DYNC2I1: variants seen among roughly 807,000 people sequenced by gnomAD.
DYNC2I1 encodes dynein 2 intermediate chain 1.
A neutral mutation model predicts 133.4 loss-of-function variants in DYNC2I1; 89 were observed. That is an observed-to-expected ratio of 0.67 (90% CI 0.56 to 0.80). DYNC2I1 has a LOEUF of 0.80. DYNC2I1 is among the 30% of genes least tolerant of loss of function. The probability of loss-of-function intolerance (pLI) is 0.00; values close to 1 mark genes in which losing one functional copy is unlikely to be tolerated. For missense variants in DYNC2I1, 1,291 were observed against 1,314.5 expected (o/e 0.98, Z 0.28); for synonymous variants, 504 against 484.3 (o/e 1.04, Z -0.54).
chr7:158,935,227 G>A (rs1373750850), intron 23 of DYNC2I1, among the ~76,000 whole-genome samples: 1 of 152,244 alleles, frequency 6.6e-6, no homozygotes, highest in African/African-American at 2.4e-5. Flanking sequence ...TCATGCTGCA[G>A]GAAATGTGTG....
At chr7:158,918,630 G>A in intron 14 of DYNC2I1, 110 bp from the exon 15 acceptor site, 1 of 1,273,232 alleles carries the variant, frequency 7.9e-7, no homozygotes, top group East Asian at 2.3e-5. Flanking sequence ...TAGCGTCATG[G>A]ATCTAAGCAG....
In DYNC2I1 at chr7:158,871,316, G is replaced by C; in HGVS notation, c.244G>C (p.Gly82Arg). 1.3e-6 allele frequency: 2 copies of C among 1,565,120 alleles called. No individual in the cohort carries two copies. The highest frequency in any genetic ancestry group is 1.7e-6 in the Non-Finnish European group (2 of 1,154,188). The change falls in exon 3 of 25, where the codon GGG (glycine) becomes CGG (arginine). Residue 82 changes from glycine (G) to arginine (R), a missense_variant. Transcript: ENST00000407559. ...CCACACCGCTAAGGAGAGTCCTCGTGGGGAGAGGGACAGAGACAGACAGAG... is the reference window on the plus strand; with the variant it reads ...CCACACCGCTAAGGAGAGTCCTCGTCGGGAGAGGGACAGAGACAGACAGAG... ...EVHTAKESPR[G>R]ERDRDRQRER...
At chr7:158,864,118 T>TG (rs1842184730) in intron 1 of DYNC2I1, among the ~76,000 whole-genome samples, 1 of 79,782 alleles carries the variant, frequency 1.3e-5, no homozygotes, top group African/African-American at 4.8e-5. Flanking sequence ...TAGCTCCGGG[T>TG]GTGGGGGGGG....
intron 13 of DYNC2I1, among the ~76,000 whole-genome samples, chr7:158,913,590 A>G (rs894574725): frequency 2.0e-5 from 3 of 152,196 alleles, no homozygotes; most frequent in African/African-American, 7.2e-5. Flanking sequence ...GGTTTTTCTC[A>G]AGGAATTGCC....
At chr7:158,866,771 G>C (rs1179832260) in intron 1 of DYNC2I1, among the ~76,000 whole-genome samples, 2 of 151,956 alleles carry the variant, frequency 1.3e-5, no homozygotes, top group Non-Finnish European at 2.9e-5. Flanking sequence ...TGTAATCCCA[G>C]CTACTCAGGA....
intron 21 of DYNC2I1, among the ~76,000 whole-genome samples, chr7:158,933,816 G>A (rs1341589832): frequency 6.6e-6 from 1 of 152,232 alleles, no homozygotes; most frequent in Admixed American, 6.5e-5. Flanking sequence ...CTAAGAACTT[G>A]AGACAGTTGT....
chr7:158,862,124 G>A (rs1020399966), intron 1 of DYNC2I1, among the ~76,000 whole-genome samples: 6 of 152,136 alleles, frequency 3.9e-5, no homozygotes, highest in Admixed American at 2.0e-4. Flanking sequence ...CACTCTGGCC[G>A]TTAGTGCTCC....
At chr7:158,863,657 TG>T (rs1220542003) in intron 1 of DYNC2I1, among the ~76,000 whole-genome samples, 1 of 12,586 alleles carries the variant, frequency 7.9e-5, no homozygotes, top group African/African-American at 5.4e-4. Flanking sequence ...CGTCCTTAGC[TG>T]GGGGGGGGTG....
chr7:158,889,718 A>G (rs1845003175), intron 7 of DYNC2I1, among the ~76,000 whole-genome samples: 1 of 151,968 alleles, frequency 6.6e-6, no homozygotes, highest in Non-Finnish European at 1.5e-5. Flanking sequence ...AAAATTAACA[A>G]AAAGGCCAGG....
chr7:158,857,469 C>T (rs1841383692), intron 1 of DYNC2I1, among the ~76,000 whole-genome samples: 1 of 151,822 alleles, frequency 6.6e-6, no homozygotes, highest in Admixed American at 6.6e-5. Flanking sequence ...ATTTTTTCCC[C>T]ATCACTTACC....
chr7:158,952,568 A>AC (rs1682102398), intron 4 of DYNC2I1, among the ~76,000 whole-genome samples: 1 of 151,790 alleles, frequency 6.6e-6, no homozygotes, highest in Admixed American at 6.6e-5. Context: ...TAGATACTTA[A>AC]AAAAATATCC....
chr7:158,934,607 G>GAAAGACCCTGTC, intron 23 of DYNC2I1, 58 bp downstream of exon 23: 1 of 1,507,528 alleles, frequency 6.6e-7, no homozygotes, highest in Non-Finnish European at 8.9e-7. Context: ...TTGAGACAGG[G>GAAAGACCCTGTC]TCTTGCTCTG....
chr7:158,871,557 G>A lies in DYNC2I1; in HGVS notation c.485G>A (p.Arg162His), dbSNP rs541525679. 2 of 1,533,366 alleles carry A rather than the reference G, an allele frequency of 1.3e-6. No homozygotes were observed. The highest frequency in any genetic ancestry group is 1.2e-5 in the South Asian group (1 of 83,138). 95.0% of individuals were successfully genotyped at this position (1,533,366 alleles called of 1,614,324 possible). The change falls in exon 3 of 25, where the codon CGC becomes CAC. Residue 162 changes from arginine to histidine, a missense_variant. By Grantham distance (29) the Arg-to-His change is conservative. Coordinates refer to ENST00000407559, the MANE Select transcript of DYNC2I1 (RefSeq NM_018051.5). ...QLLERAERKG[R>H]SVSKVRSEEK... is the part of the protein sequence containing the mutation. ...CTGGAGCGGGCGGAGAGGAAAGGCC[G>A]CTCAGGTGGGTCCCCGCTTGCCTTC...
intron 11 of DYNC2I1, among the ~76,000 whole-genome samples, chr7:158,906,608 GCCA>G (rs1305878152): frequency 1.3e-5 from 2 of 151,930 alleles, no homozygotes; most frequent in Non-Finnish European, 2.9e-5. Flanking sequence ...ACAGGTGGCC[GCCA>G]CCACGCCTGG....
In DYNC2I1 at chr7:158,945,475, C is replaced by T; in HGVS notation, c.3003-106C>T. 8.1e-7 allele frequency: 1 copy of T among 1,236,502 alleles called. No individual in the cohort carries two copies. The highest frequency in any genetic ancestry group is 2.9e-5 in the Admixed American group (1 of 34,788). The allele number at this position is 1,236,502 out of a possible 1,614,324, so 76.6% of individuals were successfully genotyped here. A position where few individuals can be genotyped will look rare whatever the true frequency, so the allele number is the denominator to read the frequency against. On this transcript the variant is annotated intron_variant, in intron 24 of 24. Transcript: ENST00000407559. The surrounding 1 kb of genome is among the most constrained non-coding windows in gnomAD (Gnocchi z 4.1). Reference sequence around the variant, plus strand: ...GGCTATTGGTATTTTTAGAATTTCTCATCCGTTTCACTCTTCCCATGGAAG... The same window carrying T: ...GGCTATTGGTATTTTTAGAATTTCTTATCCGTTTCACTCTTCCCATGGAAG...
At position 158,899,341 on chromosome 7, in the gene DYNC2I1, TACAC is replaced by T. The variant is rs1206804180; in HGVS notation, c.1060-2391_1060-2388del. On this transcript the variant is annotated intron_variant, in intron 8 of 24. Coordinates refer to ENST00000407559, the MANE Select transcript of DYNC2I1 (RefSeq NM_018051.5). ...ATGCATATGTGTACACAAACACACA[TACAC>T]ACACACGGATAAATACCTAAGCATA... is the stretch of plus-strand genomic sequence containing the variant. Among the ~76,000 whole-genome samples the T allele has an allele frequency of 2.6e-5, 4 of 152,258 alleles. No individual in the cohort carries two copies. The East Asian group carries it at 5.8e-4, about 22-fold the overall frequency.
At chr7:158,885,245 C>G (rs1156257483) in intron 6 of DYNC2I1, among the ~76,000 whole-genome samples, 1 of 151,950 alleles carries the variant, frequency 6.6e-6, no homozygotes, top group Non-Finnish European at 1.5e-5. Context: ...TCCTGTCTAC[C>G]TCTTAGTTGC....
chr7:158,893,680 A>G (rs1012111872), intron 8 of DYNC2I1, among the ~76,000 whole-genome samples: 1 of 151,842 alleles, frequency 6.6e-6, no homozygotes, highest in Non-Finnish European at 1.5e-5. Flanking sequence ...CATACCATAT[A>G]TCATAGTGCA....
intron 4 of DYNC2I1, among the ~76,000 whole-genome samples, chr7:158,952,564 C>G (rs1464572867): frequency 2.4e-5 from 2 of 83,700 alleles, no homozygotes; most frequent in African/African-American, 7.7e-5. Flanking sequence ...AAACTAGATA[C>G]TTAAAAAAAT....
Sources: allele counts gnomAD v4.1 joint callset (sites outside exome capture counted in the v4.1 genomes callset), GRCh38; gene constraint gnomAD v4.1.1; non-coding constraint Gnocchi (gnomAD v3.1); transcripts MANE v1.5; gene names NCBI Gene and HGNC (gene_info 2026-07-23, HGNC 2026-07-21).